Variants in SGMS2 observed in about 807,000 individuals in gnomAD.
The protein encoded by SGMS2 is phosphatidylcholine:ceramide cholinephosphotransferase 2.
A neutral mutation model predicts 43.8 loss-of-function variants in SGMS2; 21 were observed. The ratio of observed to expected loss-of-function variants is 0.48; its 90% confidence interval spans 0.34 to 0.69. The LOEUF is 0.69. SGMS2 is among the 30% of genes least tolerant of loss of function. The probability of loss-of-function intolerance (pLI) is 0.01; values close to 1 mark genes in which losing one functional copy is unlikely to be tolerated. For synonymous variants in SGMS2, 167 were observed against 160.6 expected (o/e 1.04, Z -0.30); for missense variants, 384 against 443.2 (o/e 0.87, Z 1.20).
chr4:107,893,187 G>A (rs931250671), intron 2 of SGMS2: 1 of 152,098 alleles, frequency 6.6e-6, no homozygotes, highest in Non-Finnish European at 1.5e-5. Flanking sequence ...AAGAAAAAAG[G>A]TTACTAATTG....
intron 2 of SGMS2, among the ~76,000 whole-genome samples, chr4:107,880,598 A>G (rs1329123074): frequency 6.6e-6 from 1 of 152,128 alleles, no homozygotes; most frequent in East Asian, 1.9e-4. Flanking sequence ...GCTCACACCT[A>G]TAATCGCAGC....
At chr4:107,910,018 C>T (rs1434741714) in intron 6 of SGMS2, among the ~76,000 whole-genome samples, 2 of 152,116 alleles carry the variant, frequency 1.3e-5, no homozygotes, top group Non-Finnish European at 2.9e-5. Context: ...TCTTCTTTCA[C>T]TCTTTGACTT....
At chr4:107,870,793 T>G (rs1001847127) in intron 2 of SGMS2, among the ~76,000 whole-genome samples, 3 of 152,184 alleles carry the variant, frequency 2.0e-5, no homozygotes, top group Non-Finnish European at 4.4e-5. Context: ...AGCAAAGAAG[T>G]ATAATTCTTT....
Position 107,914,372 on chromosome 4 carries a change from T to C in SGMS2, c.*3819T>C, listed in dbSNP as rs1456355601. On this transcript the variant is annotated 3_prime_UTR_variant, in exon 7 of 7. Transcript: ENST00000690982. ...CCTTTAAAAGAAAAAGAGGAAACGA[T>C]GAACAAAAACTAATCTAATTGCCAA... 1 of 152,118 alleles carries C rather than the reference T, an allele frequency of 6.6e-6. No homozygotes were observed. Among genetic ancestry groups the C allele is most frequent in the Non-Finnish European group, 1.5e-5 (1 of 67,964 alleles). 9.4% of individuals were successfully genotyped at this position (152,118 alleles called of 1,614,324 possible). A position where few individuals can be genotyped will look rare whatever the true frequency, so the allele number is the denominator to read the frequency against.
chr4:107,831,284 G>A (rs987866434), intron 1 of SGMS2, among the ~76,000 whole-genome samples: 1 of 152,216 alleles, frequency 6.6e-6, no homozygotes. Flanking sequence ...TGCTCTCCTG[G>A]AACATTTCTG....
chr4:107,895,529 T>A lies in SGMS2; in HGVS notation c.-25T>A. 1 of 1,582,444 alleles carries A rather than the reference T, an allele frequency of 6.3e-7. No homozygotes were observed. Among genetic ancestry groups the A allele is most frequent in the Non-Finnish European group, 8.6e-7 (1 of 1,165,004 alleles). On this transcript the variant is annotated 5_prime_UTR_variant, in exon 3 of 7. Transcript: ENST00000690982. Reference sequence around the variant, plus strand: ...AAAGAACAAGAACTTGACCATCTCCTTTTTGATCTGAAGACTAGGGGACAA... The same window carrying A: ...AAAGAACAAGAACTTGACCATCTCCATTTTGATCTGAAGACTAGGGGACAA...
Position 107,895,512 on chromosome 4 carries a change from A to G in SGMS2, c.-42A>G, listed in dbSNP as rs1041759879. 1.9e-6 allele frequency: 3 copies of G among 1,555,730 alleles called. No homozygotes were observed. Among genetic ancestry groups the G allele is most frequent in the Non-Finnish European group, 2.6e-6 (3 of 1,151,616 alleles). ...AAAAGCTAAATTTCCACAAAGAACA[A>G]GAACTTGACCATCTCCTTTTTGATC... On this transcript the variant is annotated 5_prime_UTR_variant, in exon 3 of 7. Coordinates refer to ENST00000690982, the MANE Select transcript of SGMS2 (RefSeq NM_001375905.1).
chr4:107,904,628 A>G (rs1352778915), intron 5 of SGMS2, among the ~76,000 whole-genome samples: 2 of 152,180 alleles, frequency 1.3e-5, no homozygotes, highest in Admixed American at 6.5e-5. Flanking sequence ...ATAGTGGGAT[A>G]CATGTGGGGT....
rs956762520 is a variant in SGMS2, at chr4:107,837,229, G to A, written c.-327+11976G>A. On this transcript the variant is annotated intron_variant, in intron 1 of 6. Transcript: ENST00000690982. ...GGTTGTATATGTTGAGAGAGGAAAA[G>A]GTGTTGAAAAGCAGGACTGATAGGA... Among the ~76,000 whole-genome samples the A allele has an allele frequency of 2.6e-5, 4 of 152,246 alleles. No homozygotes were observed. In the South Asian group the frequency reaches 8.3e-4, roughly 32 times the overall value.
chr4:107,906,640 A>G (rs770529450), intron 5 of SGMS2, among the ~76,000 whole-genome samples: 13 of 152,216 alleles, frequency 8.5e-5, no homozygotes, highest in African/African-American at 2.9e-4. Context: ...CTTCTATTCA[A>G]TCTTTTCTTT....
chr4:107,851,372 A>G (rs1223212540), intron 1 of SGMS2, among the ~76,000 whole-genome samples: 1 of 152,222 alleles, frequency 6.6e-6, no homozygotes, highest in Non-Finnish European at 1.5e-5. Context: ...GGACAACAAC[A>G]GATTAGGAGA....
At chr4:107,850,304 G>A (rs1341601571) in intron 1 of SGMS2, among the ~76,000 whole-genome samples, 1 of 152,128 alleles carries the variant, frequency 6.6e-6, no homozygotes, top group Non-Finnish European at 1.5e-5. Flanking sequence ...CCAGTCTCAG[G>A]TATTTCTTTA....
chr4:107,904,787 G>C (rs919077254), intron 5 of SGMS2, among the ~76,000 whole-genome samples: 1 of 152,092 alleles, frequency 6.6e-6, no homozygotes, highest in Non-Finnish European at 1.5e-5. Flanking sequence ...TGAGTTATTG[G>C]TTCTGGGGGG....
intron 1 of SGMS2, among the ~76,000 whole-genome samples, chr4:107,853,875 G>A (rs1727284555): frequency 1.3e-5 from 2 of 152,106 alleles, no homozygotes; most frequent in Admixed American, 1.3e-4. Context: ...AACCAAATGC[G>A]GTCTGGAATG....
At chr4:107,838,006 G>A (rs760168043) in intron 1 of SGMS2, among the ~76,000 whole-genome samples, 8 of 152,084 alleles carry the variant, frequency 5.3e-5, no homozygotes, top group Non-Finnish European at 1.2e-4. Context: ...CTGCATTCAG[G>A]GGTGAGATCA....
At position 107,908,776 on chromosome 4, in the gene SGMS2, C is replaced by T. The variant is rs778418516; in HGVS notation, c.894+45C>T. On this transcript the variant is annotated intron_variant, in intron 6 of 6. Transcript: ENST00000690982. ...TTGGATAATTTCTTTTCTTTGAATG[C>T]AGTGGACCCTTTTCATGTCGTGGGG... 4 of 1,554,496 alleles carry T rather than the reference C, an allele frequency of 2.6e-6. No homozygotes were observed. The East Asian group carries it at 6.8e-5, about 26-fold the overall frequency.
intron 1 of SGMS2, among the ~76,000 whole-genome samples, chr4:107,848,036 T>C (rs371763317): frequency 5.9e-5 from 9 of 152,146 alleles, no homozygotes; most frequent in African/African-American, 2.2e-4. Flanking sequence ...TACAGAATAG[T>C]TTCACTGCCC....
intron 3 of SGMS2, 86 bp downstream of exon 3, chr4:107,896,094 TC>T (rs1287707512): frequency 6.4e-6 from 8 of 1,256,996 alleles, no homozygotes; most frequent in South Asian, 4.5e-5. Context: ...TTCCTTTTTT[TC>T]CCCCAATAAA....
upstream of SGMS2, chr4:107,824,789 G>C (rs1040036485): frequency 6.6e-6 from 1 of 152,256 alleles, no homozygotes; most frequent in Admixed American, 6.5e-5. Context: ...CCACCGGGCC[G>C]ACGGGTGAGT....
Sources: gnomAD v4.1 joint callset for allele counts (sites outside exome capture counted in the v4.1 genomes callset) on GRCh38, gnomAD v4.1.1 for gene constraint, MANE v1.5 for transcripts, NCBI Gene and HGNC (gene_info 2026-07-23, HGNC 2026-07-21) for gene names.